Variants in TEX14 observed in about 807,000 individuals in gnomAD.
The protein encoded by TEX14 is testis expressed 14, intercellular bridge forming factor.
TEX14 carries 168 observed loss-of-function variants against 178.6 expected under a neutral mutation model. The observed-to-expected ratio is 0.94, with a 90% CI of 0.83 to 1.07. The LOEUF (loss-of-function observed/expected upper bound fraction) is 1.07, where lower values mean the gene tolerates loss of function less well. Ranked by LOEUF, TEX14 falls within the 50% of genes least tolerant of loss-of-function variation. TEX14 has a pLI of 0.00. For missense variants in TEX14, 1,730 were observed against 1,753.6 expected, an observed-to-expected ratio of 0.99 and a Z score of 0.24; for synonymous variants, 626 against 634.1, an observed-to-expected ratio of 0.99 and a Z score of 0.19.
chr17:58,619,426 C>A (rs1336499210), intron 5 of TEX14, among the ~76,000 whole-genome samples: 1 of 152,200 alleles, frequency 6.6e-6, no homozygotes, highest in Non-Finnish European at 1.5e-5. Context: ...TGTGCAAACA[C>A]ACGTGTGAGG....
chr17:58,579,569 G>T, intron 20 of TEX14, 96 bp downstream of exon 20: 2 of 1,023,842 alleles, frequency 2.0e-6, no homozygotes, highest in African/African-American at 1.6e-5. Context: ...GGACGAGGCT[G>T]TCCCTCAGGA....
intron 14 of TEX14, among the ~76,000 whole-genome samples, 198 bp from the exon 15 acceptor site, chr17:58,593,859 G>T (rs563116891): frequency 6.6e-6 from 1 of 151,878 alleles, no homozygotes; most frequent in Non-Finnish European, 1.5e-5. Flanking sequence ...ATTTTGAGAC[G>T]GAGTCTGGCT....
intron 20 of TEX14, among the ~76,000 whole-genome samples, chr17:58,579,282 G>A (rs2044753297): frequency 6.6e-6 from 1 of 152,218 alleles, no homozygotes; most frequent in African/African-American, 2.4e-5. Context: ...TTCTAATTTT[G>A]TTATGTTAAT....
intron 24 of TEX14, among the ~76,000 whole-genome samples, chr17:58,571,233 TTC>T (rs2044516752): frequency 1.1e-5 from 1 of 91,770 alleles, no homozygotes. Flanking sequence ...TACTTTTCTT[TTC>T]TTTTTTTTTT....
At chr17:58,601,979 A>G (rs1473172572) in intron 12 of TEX14, 23 bp from the exon 13 acceptor site, 1 of 1,611,986 alleles carries the variant, frequency 6.2e-7, no homozygotes. Context: ...AAATATTGTC[A>G]AGGACATAGT....
At position 58,613,439 on chromosome 17, in the gene TEX14, G is replaced by A. The variant is rs978626344; in HGVS notation, c.987C>T (p.Phe329=). 6.2e-7 allele frequency: 1 copy of A among 1,614,096 alleles called. No homozygotes were observed. Among genetic ancestry groups the A allele is most frequent in the African/African-American group, 1.3e-5 (1 of 75,062 alleles). Residue 329 remains phenylalanine, a synonymous_variant, in exon 9 of 32, where the codon TTC becomes TTT. Coordinates refer to ENST00000349033, the MANE Select transcript of TEX14 (RefSeq NM_031272.5). ...VYERITIGTL[F]SVLHERRSQF... ...AGTTTACTCGTTCATGAAGGACACT[G>A]AACAATGTGCCGATAGTGATGCGCT...
Position 58,556,882 on chromosome 17 carries a change from C to G in TEX14, c.*129G>C, listed in dbSNP as rs536257298. 23 of 756,922 alleles carry G rather than the reference C, an allele frequency of 3.0e-5. No individual in the cohort carries two copies. In the East Asian group the frequency reaches 3.8e-4, roughly 12 times the overall value. The allele number at this position is 756,922 out of a possible 1,614,324, so 46.9% of individuals were successfully genotyped here. ...CAAACGATGATGTCTATTGTGGCAG[C>G]TGAACAAAGTGAGACTTACAGAACT... On this transcript the variant is annotated 3_prime_UTR_variant, in exon 32 of 32. Transcript: ENST00000349033.
At chr17:58,644,061 T>C (rs1385106787) in intron 2 of TEX14, among the ~76,000 whole-genome samples, 1 of 151,784 alleles carries the variant, frequency 6.6e-6, no homozygotes, top group Middle Eastern at 3.2e-3. Flanking sequence ...CAAGCTATGA[T>C]AGAGGTTTGG....
rs751534222 is a variant in TEX14 at position 58,599,243 on chromosome 17, C to CT, written c.2101dup (p.Ser701LysfsTer7). The CT allele has an allele frequency of 1.2e-6, 2 of 1,613,784 alleles. No individual in the cohort carries two copies. The highest frequency in any genetic ancestry group is 1.7e-6 in the Non-Finnish European group (2 of 1,180,038). ...GGTTGACTCAGGAAGGCTGAGTGAA[C>CT]TGAGTGAACCGTTTTGCCAGTCCCA... On this transcript the variant is annotated frameshift_variant, in exon 14 of 32. Transcript: ENST00000349033. LOFTEE classifies it high-confidence loss of function.
At chr17:58,606,915 C>A (rs1245049205) in intron 10 of TEX14, among the ~76,000 whole-genome samples, 1 of 150,054 alleles carries the variant, frequency 6.7e-6, no homozygotes, top group Non-Finnish European at 1.5e-5. Context: ...GTAATGCCAG[C>A]TACTCAGGAG....
Position 58,601,926 on chromosome 17 carries a change from T to G in TEX14, c.1558A>C (p.Thr520Pro), listed in dbSNP as rs1377546822. 6.2e-6 allele frequency: 10 copies of G among 1,613,190 alleles called. No homozygotes were observed. Among genetic ancestry groups the G allele is most frequent in the South Asian group, 3.3e-5 (3 of 91,024 alleles). The change falls in exon 13 of 32, where the codon ACC (threonine) becomes CCC (proline). Residue 520 changes from threonine to proline, a missense_variant. By Grantham distance (38) the Thr-to-Pro change is conservative. This residue lies in a region of TEX14 where 789 missense variants were observed against 681.2 expected (regional missense o/e 1.16). Coordinates refer to ENST00000349033, the MANE Select transcript of TEX14 (RefSeq NM_031272.5). ...DFTGAQRTQP[T>P]ESPRVQRYGL... ...TATCTCTGCACTCTGGGGCTCTCGG[T>G]TGGTTGAGTTCTCTGGGCTCCAGTA...
chr17:58,577,124 G>A (rs1434054828), intron 21 of TEX14, among the ~76,000 whole-genome samples: 1 of 152,166 alleles, frequency 6.6e-6, no homozygotes, highest in African/African-American at 2.4e-5. Context: ...TGGGAAAATA[G>A]AATAGAGGGG....
At chr17:58,633,967 CG>C (rs542975844) in intron 2 of TEX14, among the ~76,000 whole-genome samples, 126 of 119,530 alleles carry the variant, frequency 1.1e-3, no homozygotes, top group African/African-American at 3.5e-3. Flanking sequence ...ACTCTGTCTC[CG>C]AAAAAAAAAA....
chr17:58,563,674 G>T (rs1363795870), intron 28 of TEX14, among the ~76,000 whole-genome samples: 24 of 57,100 alleles, frequency 4.2e-4, no homozygotes, highest in South Asian at 1.2e-3. Flanking sequence ...GAGAGAGAGA[G>T]AGAGAGAGAG....
chr17:58,682,314 G>A (rs2143565017), intron 1 of TEX14, among the ~76,000 whole-genome samples: 1 of 151,154 alleles, frequency 6.6e-6, no homozygotes, highest in African/African-American at 2.4e-5. Flanking sequence ...CTAGAGTGCA[G>A]TGGTGCCATC....
intron 28 of TEX14, among the ~76,000 whole-genome samples, chr17:58,563,621 T>TTATATATATATATA (rs3034889): frequency 4.1e-4 from 19 of 46,464 alleles, no homozygotes; most frequent in Non-Finnish European, 5.9e-4. Context: ...CATCTCTAAT[T>TTATATATATATATA]TATATATATA....
intron 20 of TEX14, 124 bp downstream of exon 20, chr17:58,579,540 AC>A: frequency 1.3e-6 from 1 of 771,234 alleles, no homozygotes; most frequent in South Asian, 1.8e-5. Context: ...GGTTTTCTCA[AC>A]CATATAATGA....
intron 10 of TEX14, among the ~76,000 whole-genome samples, chr17:58,610,570 A>G (rs747801546): frequency 2.6e-5 from 4 of 152,172 alleles, no homozygotes; most frequent in Non-Finnish European, 4.4e-5. Flanking sequence ...TGTGAGCGAG[A>G]AATACACCTT....
chr17:58,685,944 G>A (rs2047582332), intron 1 of TEX14, among the ~76,000 whole-genome samples: 1 of 135,176 alleles, frequency 7.4e-6, no homozygotes, highest in Non-Finnish European at 1.5e-5. Flanking sequence ...GCAGTGAGCC[G>A]AGATCACACC....
Sources: gnomAD v4.1 joint callset for allele counts (sites outside exome capture counted in the v4.1 genomes callset) on GRCh38, gnomAD v4.1.1 for gene constraint, gnomAD v4.1.1 regional missense constraint, MANE v1.5 for transcripts, NCBI Gene and HGNC (gene_info 2026-07-23, HGNC 2026-07-21) for gene names.